Variants in CSMD2 observed in about 807,000 individuals in gnomAD.
The protein encoded by CSMD2 is CUB and sushi domain-containing protein 2.
In CSMD2, 130 loss-of-function variants were observed where a neutral mutation model predicts 398.5. That is an observed-to-expected ratio of 0.33 (90% confidence interval 0.28 to 0.38). The LOEUF is 0.38. CSMD2 is among the 10% of genes least tolerant of loss of function. CSMD2 has a pLI of 1.00. For synonymous variants in CSMD2, 1,828 were observed against 1,908.5 expected (o/e 0.96, Z 1.10); for missense variants, 3,829 against 4,764.9 (o/e 0.80, Z 5.78).
chr1:33,726,332 AC>A (rs1446029586), intron 16 of CSMD2, among the ~76,000 whole-genome samples: 3 of 151,826 alleles, frequency 2.0e-5, no homozygotes, highest in Non-Finnish European at 4.4e-5. Flanking sequence ...CCTTCTCTTC[AC>A]CCCTCCTGCC....
At chr1:33,803,302 A>G (rs186557103) in intron 10 of CSMD2, among the ~76,000 whole-genome samples, 27 of 152,224 alleles carry the variant, frequency 1.8e-4, no homozygotes, top group African/African-American at 5.8e-4. Flanking sequence ...TTAAGCTTCT[A>G]TTCTCACCCA....
At chr1:33,675,212 C>G (rs890107709) in intron 25 of CSMD2, among the ~76,000 whole-genome samples, 3 of 151,884 alleles carry the variant, frequency 2.0e-5, no homozygotes, top group African/African-American at 7.3e-5. Context: ...AGACTGCTAG[C>G]AAGACTAATA....
chr1:34,032,782 C>A lies in CSMD2; in HGVS notation c.405-76G>T, dbSNP rs1570885703. The A allele has an allele frequency of 8.2e-6, 8 of 978,632 alleles. No individual in the cohort carries two copies. The East Asian group carries it at 2.1e-4, about 26-fold the overall frequency. 60.6% of individuals were successfully genotyped at this position (978,632 alleles called of 1,614,324 possible). ...ACATCCACGAAGCATTTATTGAGTGCCTGCTGGATACACAGTGCTGATCTA... is the reference window on the plus strand; with the variant it reads ...ACATCCACGAAGCATTTATTGAGTGACTGCTGGATACACAGTGCTGATCTA... On this transcript the variant is annotated intron_variant, in intron 2 of 70. Transcript: ENST00000373381.
At chr1:33,996,131 A>C (rs1646718274) in intron 3 of CSMD2, among the ~76,000 whole-genome samples, 1 of 152,240 alleles carries the variant, frequency 6.6e-6, no homozygotes, top group Non-Finnish European at 1.5e-5. Context: ...TGGACAGAAA[A>C]TTCACAGCAA....
rs575298486 is a variant in CSMD2, at chr1:33,674,550, A to G, written c.4053-11458T>C. Among the ~76,000 whole-genome samples the G allele has an allele frequency of 4.1e-3, 627 of 152,206 alleles. 3 individuals carry two copies. Among genetic ancestry groups the G allele is most frequent in the African/African-American group, 0.014 (594 of 41,534 alleles). The stretch of plus-strand genomic sequence containing the variant: ...CACTGTCAACATTAGACAGATCAAC[A>G]AGACAGAAAGTTAACAAGGATATCC... On this transcript the variant is annotated intron_variant, in intron 25 of 70. Coordinates refer to ENST00000373381, the MANE Select transcript of CSMD2 (RefSeq NM_001281956.2).
chr1:34,070,591 G>A (rs530983251), intron 2 of CSMD2, among the ~76,000 whole-genome samples: 54 of 152,186 alleles, frequency 3.5e-4, no homozygotes, highest in Admixed American at 3.9e-4. Flanking sequence ...ACAATCAAAC[G>A]GAATTGAGAG....
At chr1:34,072,601 T>C (rs539587785) in intron 2 of CSMD2, among the ~76,000 whole-genome samples, 2 of 152,304 alleles carry the variant, frequency 1.3e-5, no homozygotes, top group South Asian at 4.2e-4. Context: ...CAGCACAGCC[T>C]TTTGGACTGA....
intron 5 of CSMD2, among the ~76,000 whole-genome samples, chr1:33,859,871 C>A (rs1639360690): frequency 6.6e-6 from 1 of 152,144 alleles, no homozygotes; most frequent in Admixed American, 6.5e-5. Flanking sequence ...AGGGTAAAAT[C>A]TGGCCCTGTG....
At chr1:33,903,221 G>T (rs1276077790) in intron 5 of CSMD2, among the ~76,000 whole-genome samples, 2 of 152,024 alleles carry the variant, frequency 1.3e-5, no homozygotes, top group Non-Finnish European at 1.5e-5. Context: ...GCAAGTTTGA[G>T]CCTAATTGAT....
At chr1:33,788,253 A>AC (rs1653778814) in intron 12 of CSMD2, among the ~76,000 whole-genome samples, 1 of 152,018 alleles carries the variant, frequency 6.6e-6, no homozygotes, top group South Asian at 2.1e-4. Context: ...CACGCCTGTA[A>AC]CCCCAGCACG....
chr1:33,954,608 G>A (rs536253363), intron 3 of CSMD2, among the ~76,000 whole-genome samples: 2 of 152,088 alleles, frequency 1.3e-5, no homozygotes, highest in African/African-American at 2.4e-5. Context: ...TCCGAACGAC[G>A]GAATGTTATT....
At chr1:33,867,041 T>C (rs58495482) in intron 5 of CSMD2, among the ~76,000 whole-genome samples, 3,114 of 152,340 alleles carry the variant, frequency 0.02, 103 homozygotes, top group African/African-American at 0.071. Context: ...AATCCCCTCC[T>C]ATTAAGTGTG....
chr1:33,793,382 G>A (rs1569971814), intron 10 of CSMD2, among the ~76,000 whole-genome samples: 1 of 152,276 alleles, frequency 6.6e-6, no homozygotes, highest in Non-Finnish European at 1.5e-5. Context: ...CTGAGCTATG[G>A]CAGAGATGGA....
At position 33,633,665 on chromosome 1, in the gene CSMD2, G is replaced by C. The variant is rs886385670; in HGVS notation, c.5087-130C>G. 12 of 678,100 alleles carry C rather than the reference G, an allele frequency of 1.8e-5. No individual in the cohort carries two copies. Among genetic ancestry groups the C allele is most frequent in the Non-Finnish European group, 2.9e-5 (11 of 379,564 alleles). 42.0% of individuals were successfully genotyped at this position (678,100 alleles called of 1,614,324 possible). ...GTTGTTGGTTCCTGGGCTGTGGCTT[G>C]CTGCACTGGTTAGTGCAGTGGCACA... is the stretch of plus-strand genomic sequence containing the variant. On this transcript the variant is annotated intron_variant, in intron 31 of 70. Transcript: ENST00000373381. This position sits in a 1 kb window ranked among gnomAD's most constrained non-coding sequence, Gnocchi z 5.0.
At chr1:33,805,086 G>A (rs1045166204) in intron 10 of CSMD2, among the ~76,000 whole-genome samples, 2 of 152,190 alleles carry the variant, frequency 1.3e-5, no homozygotes, top group Non-Finnish European at 2.9e-5. Context: ...GTGACCATAT[G>A]GAGGTCACTG....
intron 1 of CSMD2, among the ~76,000 whole-genome samples, chr1:34,136,238 AT>A (rs1044588596): frequency 1.3e-5 from 2 of 152,222 alleles, no homozygotes; most frequent in African/African-American, 4.8e-5. Context: ...TAAATTACTT[AT>A]TTAACTAAGA....
At position 33,931,646 on chromosome 1, in the gene CSMD2, G is replaced by A. The variant is rs144591459; in HGVS notation, c.712+4114C>T. Among the ~76,000 whole-genome samples the A allele has an allele frequency of 4.4e-3, 663 of 152,302 alleles. 5 individuals are homozygous for A. The highest frequency in any genetic ancestry group is 7.0e-3 in the Non-Finnish European group (478 of 68,006). On this transcript the variant is annotated intron_variant, in intron 4 of 70. Coordinates refer to ENST00000373381, the MANE Select transcript of CSMD2 (RefSeq NM_001281956.2). The stretch of plus-strand genomic sequence containing the variant: ...CATCCTCAGCTGGCTTCCCTAGGGC[G>A]TTTGGAAGGGAGCATTCTCTGGTGT...
intron 29 of CSMD2, among the ~76,000 whole-genome samples, chr1:33,641,327 AATGAAT>A (rs1318164055): frequency 6.6e-6 from 1 of 152,234 alleles, no homozygotes; most frequent in Non-Finnish European, 1.5e-5. Flanking sequence ...TTGTTGAATG[AATGAAT>A]ATGTCTTGCA....
chr1:34,037,874 G>C (rs3125607), intron 2 of CSMD2, among the ~76,000 whole-genome samples: 2 of 152,226 alleles, frequency 1.3e-5, no homozygotes, highest in Non-Finnish European at 2.9e-5. Context: ...ATATTGATGC[G>C]AGCTGTGAAT....
Sources: gnomAD v4.1 joint callset for allele counts (sites outside exome capture counted in the v4.1 genomes callset) on GRCh38, gnomAD v4.1.1 for gene constraint, Gnocchi (gnomAD v3.1) non-coding constraint, MANE v1.5 for transcripts, NCBI Gene and HGNC (gene_info 2026-07-23, HGNC 2026-07-21) for gene names.